PCDHGA2: variants seen among roughly 807,000 people sequenced by gnomAD.
PCDHGA2 encodes protocadherin gamma subfamily A, 2.
PCDHGA2 carries 40 observed loss-of-function variants against 59.2 expected under a neutral mutation model. The observed-to-expected ratio is 0.68, with a 90% CI of 0.52 to 0.88. The LOEUF (loss-of-function observed/expected upper bound fraction) is 0.88, where lower values mean the gene tolerates loss of function less well. Among genes scored for constraint, PCDHGA2 ranks in the 40% least tolerant of loss-of-function variants. The probability of loss-of-function intolerance (pLI) is 0.00; values close to 1 mark genes in which losing one functional copy is unlikely to be tolerated. For synonymous variants in PCDHGA2, 560 were observed against 526.0 expected, an observed-to-expected ratio of 1.06 and a Z score of -0.89; for missense variants, 1,226 against 1,204.0, an observed-to-expected ratio of 1.02 and a Z score of -0.27.
At chr5:141,465,833 T>A (rs2099110537) in intron 1 of PCDHGA2, among the ~76,000 whole-genome samples, 1 of 152,002 alleles carries the variant, frequency 6.6e-6, no homozygotes, top group Non-Finnish European at 1.5e-5. Context: ...GTTTAAAATT[T>A]CAACTGAGGC....
At chr5:141,400,250 C>T (rs2093990136) in intron 1 of PCDHGA2, 1 of 1,614,066 alleles carries the variant, frequency 6.2e-7, no homozygotes, top group Non-Finnish European at 8.5e-7. Flanking sequence ...CTGGCCGTTG[C>T]CTTGCGCCTG....
intron 1 of PCDHGA2, chr5:141,374,203 G>C: frequency 6.2e-7 from 1 of 1,613,926 alleles, no homozygotes; most frequent in East Asian, 2.2e-5. Context: ...AGGAGCTGGA[G>C]AAAGGCTCCT....
chr5:141,392,882 G>A (rs1394691115), intron 1 of PCDHGA2: 2 of 1,613,502 alleles, frequency 1.2e-6, no homozygotes, highest in Non-Finnish European at 1.7e-6. Flanking sequence ...TGGGAACGCT[G>A]TGGGAAATCG....
intron 1 of PCDHGA2, among the ~76,000 whole-genome samples, chr5:141,488,305 T>C (rs1452293355): frequency 6.6e-6 from 1 of 152,234 alleles, no homozygotes; most frequent in African/African-American, 2.4e-5. Context: ...AAATCACTTA[T>C]GTCAGAAAAC....
At chr5:141,428,134 T>C (rs746772496) in intron 1 of PCDHGA2, 1 of 1,600,266 alleles carries the variant, frequency 6.2e-7, no homozygotes, top group Non-Finnish European at 8.5e-7. Flanking sequence ...CTTTTCAGCC[T>C]GGGGCTGCAC....
chr5:141,510,839 C>T (rs186647886), intron 3 of PCDHGA2, 108 bp from the exon 4 acceptor site: 36 of 1,586,990 alleles, frequency 2.3e-5, no homozygotes, highest in Non-Finnish European at 3.1e-5. Context: ...TCAGCGTGGT[C>T]AAGGCCCAGG....
chr5:141,417,226 T>A (rs966071761), intron 1 of PCDHGA2: 4 of 152,134 alleles, frequency 2.6e-5, no homozygotes, highest in Admixed American at 1.3e-4. Flanking sequence ...GACAAAAAAA[T>A]TTGTTGCTTA....
At chr5:141,423,100 G>A in intron 1 of PCDHGA2, 1 of 1,613,944 alleles carries the variant, frequency 6.2e-7, no homozygotes, top group Non-Finnish European at 8.5e-7. Context: ...GGAGCACACG[G>A]GCGAGGTGCG....
chr5:141,392,794 G>A (rs1002894691), intron 1 of PCDHGA2: 2 of 1,563,344 alleles, frequency 1.3e-6, no homozygotes, highest in African/African-American at 1.4e-5. Flanking sequence ...ATTCTGAGAG[G>A]ATTCTGCAGC....
At chr5:141,435,214 A>G (rs1314928643) in intron 1 of PCDHGA2, among the ~76,000 whole-genome samples, 2 of 152,176 alleles carry the variant, frequency 1.3e-5, no homozygotes, top group South Asian at 2.1e-4. Context: ...AAGTGAATTT[A>G]CTTTCTTTCA....
intron 1 of PCDHGA2, chr5:141,376,645 T>A (rs1174597911): frequency 5.9e-6 from 6 of 1,010,322 alleles, no homozygotes; most frequent in Non-Finnish European, 7.1e-6. Context: ...TTTTGTAAAG[T>A]GGAAGACTCC....
chr5:141,500,901 G>T (rs984072329), intron 2 of PCDHGA2, among the ~76,000 whole-genome samples: 1 of 144,582 alleles, frequency 6.9e-6, no homozygotes, highest in Non-Finnish European at 1.5e-5. Context: ...AGACAGTCTC[G>T]CTCTGTCTCC....
chr5:141,462,011 C>T (rs567038580), intron 1 of PCDHGA2, among the ~76,000 whole-genome samples: 32 of 152,182 alleles, frequency 2.1e-4, no homozygotes, highest in Admixed American at 5.9e-4. Flanking sequence ...TTAATAGAGA[C>T]GGGGTTTCTT....
rs776773140 is a variant in PCDHGA2, at chr5:141,476,589, G to T, written c.2425-18218G>T. The T allele has an allele frequency of 6.2e-7, 1 of 1,614,246 alleles. No individual in the cohort carries two copies. Among genetic ancestry groups the T allele is most frequent in the South Asian group, 1.1e-5 (1 of 91,090 alleles). On this transcript the variant is annotated intron_variant, in intron 1 of 3. Coordinates refer to ENST00000394576, the MANE Select transcript of PCDHGA2 (RefSeq NM_018915.4). This position sits in a 1 kb window ranked among gnomAD's most constrained non-coding sequence, Gnocchi z 7.6. ...CCGGGGACGCGCTTTCCGCTCGAGA[G>T]CGCGCACGATCCCGATGTGGGAAGC...
Position 141,434,784 on chromosome 5 carries a change from AT to A in PCDHGA2, c.2425-60014del, listed in dbSNP as rs201914459. On this transcript the variant is annotated intron_variant, in intron 1 of 3. Transcript: ENST00000394576. The stretch of plus-strand genomic sequence containing the variant: ...ACTTCACACTTCTAAAAAAAAAAAA[AT>A]TTTTTTTTCTGAGCTTGGAGAAATA... Among the ~76,000 whole-genome samples the A allele has an allele frequency of 3.3e-4, 49 of 150,342 alleles. 1 individual carries two copies. Among genetic ancestry groups the A allele is most frequent in the Middle Eastern group, 3.4e-3 (1 of 290 alleles).
rs1221295650 is a variant in PCDHGA2 at position 141,489,576 on chromosome 5, C to A, written c.2425-5231C>A. 3 of 1,613,936 alleles carry A rather than the reference C, an allele frequency of 1.9e-6. No individual in the cohort carries two copies. Among genetic ancestry groups the A allele is most frequent in the Non-Finnish European group, 2.5e-6 (3 of 1,179,984 alleles). ...TGCCAGTGCAGGTGGTGACTGAACA[C>A]CCCCTGGAGCTAATCCGTGTAGAGG... On this transcript the variant is annotated intron_variant, in intron 1 of 3. Transcript: ENST00000394576. This position sits in a 1 kb window ranked among gnomAD's most constrained non-coding sequence, Gnocchi z 4.5.
intron 1 of PCDHGA2, chr5:141,350,922 G>A (rs199977912): frequency 6.5e-4 from 1,048 of 1,614,058 alleles, no homozygotes; most frequent in Non-Finnish European, 8.3e-4. Context: ...CCTCTAAGCG[G>A]CACCACCCAT....
intron 1 of PCDHGA2, among the ~76,000 whole-genome samples, chr5:141,435,175 C>T (rs1199067294): frequency 6.6e-6 from 1 of 152,030 alleles, no homozygotes; most frequent in East Asian, 1.9e-4. Context: ...TGGCTTTTAA[C>T]TACACTTGAG....
intron 1 of PCDHGA2, chr5:141,383,326 A>G: frequency 6.2e-7 from 1 of 1,614,030 alleles, no homozygotes; most frequent in Non-Finnish European, 8.5e-7. Flanking sequence ...TGTAAAAATA[A>G]TGGAGAATAC....
Sources: allele counts gnomAD v4.1 joint callset (sites outside exome capture counted in the v4.1 genomes callset), GRCh38; gene constraint gnomAD v4.1.1; non-coding constraint Gnocchi (gnomAD v3.1); transcripts MANE v1.5; gene names NCBI Gene and HGNC (gene_info 2026-07-23, HGNC 2026-07-21).